The following RHBDD1 variants were observed in gnomAD, a reference collection of about 807,000 sequenced individuals.
The protein encoded by RHBDD1 is rhomboid-related protein 4.
RHBDD1 carries 38 observed loss-of-function variants against 36.3 expected under a neutral mutation model. The observed-to-expected ratio is 1.05, with a 90% CI of 0.81 to 1.37. RHBDD1 has a LOEUF of 1.37. Among genes scored for constraint, RHBDD1 ranks in the 40% most tolerant of loss-of-function variants. The pLI is 0.00. For synonymous variants in RHBDD1, 151 were observed against 136.5 expected (o/e 1.11, Z -0.74); for missense variants, 393 against 377.6 (o/e 1.04, Z -0.34).
intron 3 of RHBDD1, among the ~76,000 whole-genome samples, chr2:226,847,352 C>T (rs1196743395): frequency 6.6e-6 from 1 of 152,172 alleles, no homozygotes; most frequent in Non-Finnish European, 1.5e-5. Flanking sequence ...TTTCTTTCAT[C>T]CACTTTTTAT....
the RHBDD1 span, among the ~76,000 whole-genome samples, chr2:226,830,309 CTA>C: frequency 6.6e-6 from 1 of 152,148 alleles, no homozygotes; most frequent in Non-Finnish European, 1.5e-5. Flanking sequence ...AGGGTGCTGT[CTA>C]TGAGGAAGCA....
At chr2:226,889,657 G>T (rs1366030490) in intron 5 of RHBDD1, among the ~76,000 whole-genome samples, 2 of 152,136 alleles carry the variant, frequency 1.3e-5, no homozygotes, top group African/African-American at 4.8e-5. Flanking sequence ...ACAGTTATAT[G>T]GCTTCTAGTC....
At chr2:226,838,571 A>T (rs1303712918) in intron 2 of RHBDD1, among the ~76,000 whole-genome samples, 1 of 152,210 alleles carries the variant, frequency 6.6e-6, no homozygotes. Context: ...AAACACGTCC[A>T]CCTTGTTTTA....
intron 8 of RHBDD1, among the ~76,000 whole-genome samples, chr2:226,953,843 A>G (rs570295658): frequency 6.6e-6 from 1 of 152,322 alleles, no homozygotes; most frequent in South Asian, 2.1e-4. Flanking sequence ...TAAGACCCAA[A>G]TTATGAAAGC....
At chr2:226,958,856 C>T (rs1951978259) in intron 8 of RHBDD1, among the ~76,000 whole-genome samples, 1 of 151,936 alleles carries the variant, frequency 6.6e-6, no homozygotes, top group Non-Finnish European at 1.5e-5. Flanking sequence ...GAGTTCATTC[C>T]CTTGATTCAG....
At chr2:226,973,018 G>T (rs889359144) in intron 8 of RHBDD1, among the ~76,000 whole-genome samples, 6 of 152,044 alleles carry the variant, frequency 3.9e-5, no homozygotes, top group South Asian at 4.2e-4. Context: ...GGTAGGCCTG[G>T]ACTTCAAAGT....
At chr2:226,941,120 T>C (rs998950782) in intron 8 of RHBDD1, among the ~76,000 whole-genome samples, 1 of 152,014 alleles carries the variant, frequency 6.6e-6, no homozygotes, top group African/African-American at 2.4e-5. Context: ...CAAAGCTTTT[T>C]TGTTGTTGTT....
chr2:226,864,907 C>G lies in RHBDD1; in HGVS notation c.214C>G (p.Pro72Ala), dbSNP rs1284455839. 5.6e-6 allele frequency: 9 copies of G among 1,614,188 alleles called. No homozygotes were observed. Among genetic ancestry groups the G allele is most frequent in the Non-Finnish European group, 7.6e-6 (9 of 1,180,018 alleles). ...AGACTGGCAGCGTTTACTGCTCTCT[C>G]CCCTTCACCATGCTGATGATTGGCA... The part of the protein sequence containing the change: ...QKDWQRLLLS[P>A]LHHADDWHLY... Residue 72 changes from proline (P) to alanine (A), a missense_variant, in exon 4 of 9, where the codon CCC becomes GCC. By Grantham distance (27) the Pro-to-Ala change is conservative. Transcript: ENST00000392062.
At chr2:226,822,641 A>C in the RHBDD1 span, among the ~76,000 whole-genome samples, 2 of 151,864 alleles carry the variant, frequency 1.3e-5, no homozygotes, top group East Asian at 3.9e-4. Flanking sequence ...CTCAAAAAAA[A>C]AAAAAAAAAA....
At chr2:226,804,746 A>G in the RHBDD1 span, 6 of 152,364 alleles carry the variant, frequency 3.9e-5, no homozygotes, top group African/African-American at 1.2e-4. Flanking sequence ...AGGTTGGAAG[A>G]AAGGAGGGAG....
intron 6 of RHBDD1, chr2:226,908,586 C>T (rs1948245759): frequency 1.0e-5 from 3 of 286,694 alleles, no homozygotes; most frequent in Non-Finnish European, 6.2e-6. Flanking sequence ...TTCCACTACA[C>T]ACACACACAC....
chr2:226,865,155 T>C, intron 4 of RHBDD1, 29 bp downstream of exon 4: 1 of 1,538,566 alleles, frequency 6.5e-7, no homozygotes, highest in Non-Finnish European at 8.9e-7. Flanking sequence ...TGAGGTTGCA[T>C]GCATAAAGGA....
intron 5 of RHBDD1, among the ~76,000 whole-genome samples, chr2:226,904,534 G>A (rs948895139): frequency 6.6e-6 from 1 of 152,098 alleles, no homozygotes; most frequent in African/African-American, 2.4e-5. Context: ...GTGTGCACGC[G>A]CATGCATGTG....
intron 5 of RHBDD1, among the ~76,000 whole-genome samples, chr2:226,873,196 A>ATT (rs1944933132): frequency 1.3e-5 from 2 of 152,170 alleles, no homozygotes; most frequent in Non-Finnish European, 2.9e-5. Context: ...TCTGGAAGCC[A>ATT]TTTTTGCACT....
chr2:226,995,662 G>C lies in RHBDD1; in HGVS notation c.*140G>C. 1.5e-6 allele frequency: 1 copy of C among 663,206 alleles called. No homozygotes were observed. The highest frequency in any genetic ancestry group is 2.7e-6 in the Non-Finnish European group (1 of 370,568). The allele number at this position is 663,206 out of a possible 1,614,324, so 41.1% of individuals were successfully genotyped here. A position where few individuals can be genotyped will look rare whatever the true frequency, so the allele number is the denominator to read the frequency against. On this transcript the variant is annotated 3_prime_UTR_variant, in exon 9 of 9. Transcript: ENST00000392062. ...TGCTCCAGATCGCTCACATCACCTG[G>C]GACAGTCCCATGGCCCCTATGAGTC...
chr2:226,906,401 C>CA (rs1459555271), intron 5 of RHBDD1, among the ~76,000 whole-genome samples: 1 of 152,134 alleles, frequency 6.6e-6, no homozygotes, highest in African/African-American at 2.4e-5. Flanking sequence ...TCATCCCTCA[C>CA]AATGGCTGGA....
chr2:226,826,233 G>T, the RHBDD1 span, among the ~76,000 whole-genome samples: 3 of 152,148 alleles, frequency 2.0e-5, no homozygotes, highest in East Asian at 5.8e-4. Context: ...AGAAATCAGG[G>T]AATGGCTGAT....
intron 3 of RHBDD1, among the ~76,000 whole-genome samples, chr2:226,850,762 G>A (rs757818496): frequency 1.3e-5 from 2 of 152,126 alleles, no homozygotes; most frequent in Admixed American, 6.5e-5. Flanking sequence ...CTAAGATTGT[G>A]TGAAATCCAC....
intron 8 of RHBDD1, among the ~76,000 whole-genome samples, chr2:226,966,331 A>G (rs542571344): frequency 5.3e-5 from 8 of 152,092 alleles, no homozygotes; most frequent in Admixed American, 5.2e-4. Flanking sequence ...TTCTCTGCCT[A>G]TGGTACCTAA....
Sources: gnomAD v4.1 joint callset for allele counts (sites outside exome capture counted in the v4.1 genomes callset) on GRCh38, gnomAD v4.1.1 for gene constraint, MANE v1.5 for transcripts, NCBI Gene and HGNC (gene_info 2026-07-23, HGNC 2026-07-21) for gene names.